The following NONO variants were observed in gnomAD, a reference collection of about 807,000 sequenced individuals.
NONO encodes the protein non-POU domain containing octamer binding.
A neutral mutation model predicts 40.2 loss-of-function variants in NONO; 6 were observed. That is an observed-to-expected ratio of 0.15 (90% CI 0.08 to 0.29). NONO has a LOEUF of 0.29. NONO is among the 10% of genes least tolerant of loss of function. The pLI is 1.00. For synonymous variants in NONO, 89 were observed against 123.3 expected (o/e 0.72, Z 1.85); for missense variants, 133 against 397.8 (o/e 0.33, Z 5.66).
chrX:71,296,866 A>G lies in NONO; in HGVS notation c.762A>G (p.Pro254=), dbSNP rs202092961. 1 of 1,207,373 alleles carries G rather than the reference A, an allele frequency of 8.3e-7. No individual in the cohort carries two copies. Among genetic ancestry groups the G allele is most frequent in the East Asian group, 3.0e-5 (1 of 33,739 alleles). ...NQQFHKEREQ[P]PRFAQPGSFE... is the part of the protein sequence containing the mutation. ...TTGCCTATAGGGAACGAGAGCAGCC[A>G]CCCAGATTTGCACAGCCTGGCTCCT... The change falls in exon 7 of 12, where the codon CCA becomes CCG. Residue 254 remains proline (P), a synonymous_variant. Transcript: ENST00000276079.
At chrX:71,291,664 T>G (rs1569238983) in intron 3 of NONO, 115 bp from the exon 4 acceptor site, 2 of 587,843 alleles carry the variant, frequency 3.4e-6, no homozygotes, top group Non-Finnish European at 5.1e-6. Context: ...GAAATGGTGT[T>G]TACATTCTCT....
Position 71,297,362 on chromosome X carries a change from CTGT to C in NONO, c.944-10_944-8del. 1 of 1,154,670 alleles carries C rather than the reference CTGT, an allele frequency of 8.7e-7. No homozygotes were observed. Among genetic ancestry groups the C allele is most frequent in the Non-Finnish European group, 1.2e-6 (1 of 859,881 alleles). On this transcript the variant is annotated splice_polypyrimidine_tract_variant and intron_variant, in intron 7 of 11. Coordinates refer to ENST00000276079, the MANE Select transcript of NONO (RefSeq NM_007363.5). ...GAAGACAATGAGGAATATTCTTAGT[CTGT>C]TGTTTTTTTAGATTTGATGAGGCGC...
intron 2 of NONO, 69 bp from the exon 3 acceptor site, chrX:71,290,560 G>T: frequency 3.4e-6 from 3 of 893,008 alleles, no homozygotes; most frequent in Admixed American, 4.8e-5. Flanking sequence ...TTACATATAA[G>T]TCATCAGGAA....
intron 1 of NONO, 155 bp from the exon 2 acceptor site, chrX:71,284,242 T>C (rs1308414337): frequency 8.9e-6 from 1 of 112,790 alleles, no homozygotes; most frequent in East Asian, 2.8e-4. Context: ...GTATGCCCTT[T>C]TTCTAAAGTC....
chrX:71,287,190 C>G (rs1477672463), intron 2 of NONO, among the ~76,000 whole-genome samples: 1 of 111,820 alleles, frequency 8.9e-6, no homozygotes, highest in African/African-American at 3.2e-5. Flanking sequence ...AAGTGATGCT[C>G]CTGCCTCAGC....
rs779757828 is a variant in NONO at position 71,294,244 on chromosome X, G to A, written c.366G>A (p.Ala122=). 9.9e-6 allele frequency: 12 copies of A among 1,210,396 alleles called. No homozygotes were observed. In the Admixed American group the frequency reaches 1.5e-4, roughly 15 times the overall value. Residue 122 remains alanine (A), a synonymous_variant, in exon 5 of 12, where the codon GCG becomes GCA. Coordinates refer to ENST00000276079, the MANE Select transcript of NONO (RefSeq NM_007363.5). ...CTTCCTAGGAAACCCGAACCCTAGC[G>A]GAGATTGCCAAAGTGGAGCTGGACA... ...GFIRLETRTL[A]EIAKVELDNM...
At chrX:71,296,117 C>G (rs1368838018) in intron 5 of NONO, among the ~76,000 whole-genome samples, 1 of 109,332 alleles carries the variant, frequency 9.1e-6, no homozygotes, top group Non-Finnish European at 1.9e-5. Context: ...TCCTGTCAAC[C>G]CCAGATTTTC....
intron 2 of NONO, among the ~76,000 whole-genome samples, chrX:71,287,962 C>G (rs1402299311): frequency 9.9e-6 from 1 of 101,141 alleles, no homozygotes; most frequent in African/African-American, 3.6e-5. Flanking sequence ...CTGCCTCAGC[C>G]TCCCAAAGTG....
At chrX:71,288,978 A>G (rs1439285017) in intron 2 of NONO, among the ~76,000 whole-genome samples, 1 of 112,359 alleles carries the variant, frequency 8.9e-6, no homozygotes, top group Non-Finnish European at 1.9e-5. Flanking sequence ...TTTCCACGGT[A>G]TGTACTGTGG....
chrX:71,289,482 G>A lies in NONO; in HGVS notation c.-9-1147G>A, dbSNP rs1023297081. Among the ~76,000 whole-genome samples, 186 of 110,882 alleles carry A rather than the reference G, an allele frequency of 1.7e-3. 1 individual carries two copies. The highest frequency in any genetic ancestry group is 2.8e-3 in the Non-Finnish European group (146 of 52,850). The stretch of plus-strand genomic sequence containing the variant: ...AATTTTTTGTATTTTTAGTAGAGAC[G>A]GGGTTTCACCATGTTAGGCAGGATG... On this transcript the variant is annotated intron_variant, in intron 2 of 11. Coordinates refer to ENST00000276079, the MANE Select transcript of NONO (RefSeq NM_007363.5).
At chrX:71,299,006 C>G (rs771757014) in intron 11 of NONO, among the ~76,000 whole-genome samples, 190 bp downstream of exon 11, 3 of 111,363 alleles carry the variant, frequency 2.7e-5, no homozygotes, top group Non-Finnish European at 3.8e-5. Context: ...ACTGCAACCT[C>G]CACCTCCCGG....
At chrX:71,298,332 G>C in intron 9 of NONO, 137 bp from the exon 10 acceptor site, 1 of 570,332 alleles carries the variant, frequency 1.8e-6, no homozygotes, top group Non-Finnish European at 3.1e-6. Context: ...AACTAGCAAG[G>C]GTTGTGCTCC....
chrX:71,290,502 A>G, intron 2 of NONO, 127 bp from the exon 3 acceptor site: 1 of 486,761 alleles, frequency 2.1e-6, no homozygotes, highest in South Asian at 3.5e-5. Flanking sequence ...TGTTCAAAGT[A>G]ACAAATTGTT....
chrX:71,286,391 A>G (rs2031189148), intron 2 of NONO, among the ~76,000 whole-genome samples: 1 of 111,364 alleles, frequency 9.0e-6, no homozygotes. Context: ...ATTGTCTCTC[A>G]CTAGAAGCAA....
At chrX:71,285,438 C>T (rs5981099) in intron 2 of NONO, among the ~76,000 whole-genome samples, 8,252 of 111,097 alleles carry the variant, frequency 0.074, 677 homozygotes, top group African/African-American at 0.25. Flanking sequence ...GAGAAAACGA[C>T]GTTGCACTAT....
intron 2 of NONO, among the ~76,000 whole-genome samples, chrX:71,287,855 C>A (rs1314825057): frequency 9.8e-6 from 1 of 101,743 alleles, no homozygotes; most frequent in African/African-American, 3.7e-5. Flanking sequence ...GGCCTCCCCT[C>A]CCCCCTACCC....
Position 71,295,449 on chromosome X carries a change from T to G in NONO, c.650+921T>G, listed in dbSNP as rs1159720109. Among the ~76,000 whole-genome samples the G allele has an allele frequency of 4.6e-5, 5 of 109,365 alleles. No individual in the cohort carries two copies. In the East Asian group the frequency reaches 1.4e-3, roughly 31 times the overall value. 95.0% of individuals were successfully genotyped at this position (109,365 alleles called of 115,157 possible). ...TTGCAGTGAGCCGAGATTGCGCCAC[T>G]GCACTCCAGCCTGGGCAAGAGAACA... On this transcript the variant is annotated intron_variant, in intron 5 of 11. Coordinates refer to ENST00000276079, the MANE Select transcript of NONO (RefSeq NM_007363.5).
chrX:71,295,956 A>AACTCT (rs2031438713), intron 5 of NONO, among the ~76,000 whole-genome samples: 1 of 110,874 alleles, frequency 9.0e-6, no homozygotes, highest in African/African-American at 3.3e-5. Flanking sequence ...AGAGTTCTGA[A>AACTCT]AAGTTGATTT....
rs2031309850 is a variant in NONO at position 71,290,799 on chromosome X, T to C, written c.154+8T>C. 1 of 1,133,842 alleles carries C rather than the reference T, an allele frequency of 8.8e-7. No homozygotes were observed. Among genetic ancestry groups the C allele is most frequent in the Admixed American group, 3.1e-5 (1 of 32,409 alleles). 93.4% of individuals were successfully genotyped at this position (1,133,842 alleles called of 1,213,427 possible). A position where few individuals can be genotyped will look rare whatever the true frequency, so the allele number is the denominator to read the frequency against. ...AACAGGCCAGCAGCCAAAGTGTGTA[T>C]ATGCTAGGTGATGGAGTAGAAATGG... On this transcript the variant is annotated splice_region_variant and intron_variant, in intron 3 of 11. Transcript: ENST00000276079.
Sources: gnomAD v4.1 joint callset for allele counts (sites outside exome capture counted in the v4.1 genomes callset) on GRCh38, gnomAD v4.1.1 for gene constraint, MANE v1.5 for transcripts, NCBI Gene and HGNC (gene_info 2026-07-23, HGNC 2026-07-21) for gene names.